The following ADGRG7 variants were observed in gnomAD, a reference collection of about 807,000 sequenced individuals.
ADGRG7 encodes adhesion G protein-coupled receptor G7, also known as G-protein coupled receptor 128.
ADGRG7 carries 82 observed loss-of-function variants against 88.6 expected under a neutral mutation model. That is an observed-to-expected ratio of 0.93 (90% CI 0.77 to 1.11). ADGRG7 has a LOEUF of 1.11. Among genes scored for constraint, ADGRG7 ranks in the 50% most tolerant of loss-of-function variants. The pLI is 0.00. For missense variants in ADGRG7, 945 were observed against 953.4 expected, an observed-to-expected ratio of 0.99 and a Z score of 0.12; for synonymous variants, 381 against 345.2, an observed-to-expected ratio of 1.10 and a Z score of -1.15.
At chr3:100,623,261 C>T (rs1252493822) in intron 1 of ADGRG7, among the ~76,000 whole-genome samples, 1 of 152,168 alleles carries the variant, frequency 6.6e-6, no homozygotes, top group Non-Finnish European at 1.5e-5. Context: ...CTACAGTCCA[C>T]CTCAGACTGA....
At chr3:100,675,825 T>C (rs1218529533) in intron 15 of ADGRG7, among the ~76,000 whole-genome samples, 1 of 152,174 alleles carries the variant, frequency 6.6e-6, no homozygotes, top group Admixed American at 6.5e-5. Context: ...TCTTCATGAT[T>C]CAATCTTGGT....
chr3:100,684,285 A>G (rs2094978563), intron 15 of ADGRG7, among the ~76,000 whole-genome samples: 1 of 14,122 alleles, frequency 7.1e-5, no homozygotes, highest in East Asian at 1.8e-3. Context: ...ATTTATTGAG[A>G]CAGGGTCTTT....
chr3:100,685,625 T>C (rs547593434), intron 15 of ADGRG7, among the ~76,000 whole-genome samples: 107 of 152,214 alleles, frequency 7.0e-4, no homozygotes, highest in African/African-American at 2.5e-3. Flanking sequence ...ACATGCAGTG[T>C]TTGGTTTTTT....
chr3:100,625,539 C>A (rs1576314351), intron 1 of ADGRG7, among the ~76,000 whole-genome samples: 1 of 152,224 alleles, frequency 6.6e-6, no homozygotes, highest in Middle Eastern at 3.4e-3. Context: ...TGCCTGATTG[C>A]CCTGGCCAGA....
At chr3:100,660,361 G>C (rs2094943560) in intron 14 of ADGRG7, among the ~76,000 whole-genome samples, 1 of 152,124 alleles carries the variant, frequency 6.6e-6, no homozygotes, top group South Asian at 2.1e-4. Context: ...CTGGAGTGCA[G>C]TGGCACGATC....
At position 100,611,257 on chromosome 3, in the gene ADGRG7, T is replaced by C. The variant is rs370152882; in HGVS notation, c.115+1286T>C. On this transcript the variant is annotated intron_variant, in intron 1 of 15. Coordinates refer to ENST00000273352, the MANE Select transcript of ADGRG7 (RefSeq NM_032787.3). ...TGTTTGTTTGTTTTTCCTTCCTTCC[T>C]TCCTTCCTTCCTTCCTTCCTTCCTT... Among the ~76,000 whole-genome samples, 277 of 112,912 alleles carry C rather than the reference T, an allele frequency of 2.5e-3. 2 individuals carry two copies. The highest frequency in any genetic ancestry group is 0.023 in the South Asian group (68 of 2,896). 74.1% of individuals were successfully genotyped at this position (112,912 alleles called of 152,430 possible).
At chr3:100,646,317 C>T (rs1393473872) in intron 9 of ADGRG7, 2 of 605,620 alleles carry the variant, frequency 3.3e-6, no homozygotes, top group East Asian at 2.8e-5. Context: ...TATAGCAAAA[C>T]TCTTCAAAAG....
chr3:100,652,882 G>C (rs544777981), intron 11 of ADGRG7, among the ~76,000 whole-genome samples: 10 of 152,108 alleles, frequency 6.6e-5, no homozygotes, highest in African/African-American at 2.4e-4. Flanking sequence ...TGCTCTTTTA[G>C]AGCAAAGACA....
At chr3:100,674,434 T>C (rs2094962374) in intron 15 of ADGRG7, among the ~76,000 whole-genome samples, 2 of 152,222 alleles carry the variant, frequency 1.3e-5, no homozygotes, top group East Asian at 3.8e-4. Context: ...ATGGAATCTC[T>C]TTCCATTTTT....
chr3:100,641,610 C>T (rs1419671622), intron 6 of ADGRG7, among the ~76,000 whole-genome samples: 3 of 151,420 alleles, frequency 2.0e-5, no homozygotes. Context: ...AAACACGCTA[C>T]ACGTGATTCA....
At chr3:100,641,426 C>T (rs1449468342) in intron 6 of ADGRG7, among the ~76,000 whole-genome samples, 1 of 151,442 alleles carries the variant, frequency 6.6e-6, no homozygotes, top group African/African-American at 2.4e-5. Flanking sequence ...ACACTGAAGA[C>T]GTAACAATCA....
intron 3 of ADGRG7, 44 bp downstream of exon 3, chr3:100,630,853 A>G: frequency 9.2e-7 from 1 of 1,082,050 alleles, no homozygotes; most frequent in Non-Finnish European, 1.3e-6. Context: ...AAGAATTACT[A>G]TGCTGAGTCA....
rs1707739878 is a variant in ADGRG7, at chr3:100,646,120, A to G, written c.1110+12A>G. 6.5e-7 allele frequency: 1 copy of G among 1,537,148 alleles called. No individual in the cohort carries two copies. Among genetic ancestry groups the G allele is most frequent in the Non-Finnish European group, 8.8e-7 (1 of 1,134,322 alleles). ...TCTTTAGTCCAAAGGTGAGTTTTTC[A>G]TTGCAGATGCAAGAAAAAAGTGTCC... On this transcript the variant is annotated intron_variant, in intron 9 of 15. Transcript: ENST00000273352.
At position 100,630,953 on chromosome 3, in the gene ADGRG7, T is replaced by C. The variant is rs1461214107; in HGVS notation, c.334+144T>C. 1.0e-5 allele frequency: 4 copies of C among 395,702 alleles called. No homozygotes were observed. The East Asian group carries it at 1.5e-4, about 15-fold the overall frequency. 24.5% of individuals were successfully genotyped at this position (395,702 alleles called of 1,614,324 possible). On this transcript the variant is annotated intron_variant, in intron 3 of 15. Transcript: ENST00000273352. ...ACTTAACTCCCTTTCGTGATGCTAA[T>C]GTTCAAAACTTAAGGTAGTATCTCA...
chr3:100,690,271 T>C (rs1304329238), intron 15 of ADGRG7, among the ~76,000 whole-genome samples: 3 of 152,176 alleles, frequency 2.0e-5, no homozygotes, highest in Admixed American at 6.5e-5. Flanking sequence ...AGTTAGCCAT[T>C]TGTCTAATTT....
intron 1 of ADGRG7, among the ~76,000 whole-genome samples, chr3:100,625,888 C>G (rs902115401): frequency 2.0e-5 from 3 of 152,166 alleles, no homozygotes; most frequent in African/African-American, 7.2e-5. Context: ...CCAACTTGAT[C>G]GTGGTGGATA....
chr3:100,685,925 T>G (rs1211313172), intron 15 of ADGRG7, among the ~76,000 whole-genome samples: 1 of 151,942 alleles, frequency 6.6e-6, no homozygotes, highest in African/African-American at 2.4e-5. Flanking sequence ...GTATTTCTAG[T>G]TCTAGATCCC....
chr3:100,650,713 C>T (rs745807125), intron 11 of ADGRG7, among the ~76,000 whole-genome samples: 10 of 152,120 alleles, frequency 6.6e-5, no homozygotes, highest in Non-Finnish European at 1.3e-4. Context: ...CAGATTTCCA[C>T]ATTTTTTCCC....
intron 15 of ADGRG7, among the ~76,000 whole-genome samples, chr3:100,670,896 C>A (rs2094957508): frequency 6.6e-6 from 1 of 152,108 alleles, no homozygotes; most frequent in African/African-American, 2.4e-5. Flanking sequence ...TGAACTCATC[C>A]TTTTTATGGC....
Sources: gnomAD v4.1 joint callset for allele counts (sites outside exome capture counted in the v4.1 genomes callset) on GRCh38, gnomAD v4.1.1 for gene constraint, MANE v1.5 for transcripts, NCBI Gene and HGNC (gene_info 2026-07-23, HGNC 2026-07-21) for gene names.